TMIGD1: variants seen among roughly 807,000 people sequenced by gnomAD.
TMIGD1 encodes the protein transmembrane and immunoglobulin domain-containing protein 1.
TMIGD1 carries 29 observed loss-of-function variants against 27.5 expected under a neutral mutation model. The ratio of observed to expected loss-of-function variants is 1.05; its 90% CI spans 0.78 to 1.44. The LOEUF (loss-of-function observed/expected upper bound fraction) is 1.44. TMIGD1 is among the 40% of genes most tolerant of loss of function. The pLI is 0.00. For missense variants in TMIGD1, 334 were observed against 310.6 expected, an observed-to-expected ratio of 1.08 and a Z score of -0.57; for synonymous variants, 109 against 110.3, an observed-to-expected ratio of 0.99 and a Z score of 0.07.
rs371926500 is a variant in TMIGD1, at chr17:30,329,580, T to C, written c.83-51A>G. The C allele has an allele frequency of 4.0e-6, 6 of 1,512,836 alleles. No individual in the cohort carries two copies. The African/African-American group carries it at 8.3e-5, about 21-fold the overall frequency. The allele number at this position is 1,512,836 out of a possible 1,614,324, so 93.7% of individuals were successfully genotyped here. A position where few individuals can be genotyped will look rare whatever the true frequency, so the allele number is the denominator to read the frequency against. ...AGATATACAGAGTAAACAACCTTAA[T>C]GCTCATGAACAGGGGATTGGTTAAA... is the stretch of plus-strand genomic sequence containing the variant. On this transcript the variant is annotated intron_variant, in intron 2 of 6. Transcript: ENST00000328886.
At position 30,317,234 on chromosome 17, in the gene TMIGD1, C is replaced by T. The variant is rs1909444651; in HGVS notation, c.745-1G>A. ...GAGGGTCTTTATCCTTCATGCAGAG[C>T]TAAAAGCAAACATGGCAGTAAATTA... On this transcript the variant is annotated splice_acceptor_variant, in intron 5 of 6. Transcript: ENST00000328886. LOFTEE classifies it high-confidence loss of function. 2 of 1,614,028 alleles carry T rather than the reference C, an allele frequency of 1.2e-6. No homozygotes were observed. Among genetic ancestry groups the T allele is most frequent in the African/African-American group, 2.7e-5 (2 of 75,032 alleles).
intron 3 of TMIGD1, 33 bp downstream of exon 3, chr17:30,329,218 G>T: frequency 4.4e-6 from 7 of 1,603,758 alleles, no homozygotes; most frequent in Non-Finnish European, 6.0e-6. Flanking sequence ...AGACATTACA[G>T]ACCCACTAGC....
At chr17:30,317,355 G>C in intron 5 of TMIGD1, 122 bp from the exon 6 acceptor site, 1 of 1,057,380 alleles carries the variant, frequency 9.5e-7, no homozygotes, top group Non-Finnish European at 1.4e-6. Flanking sequence ...ACTGGCTCAG[G>C]CGTCATTTTT....
intron 2 of TMIGD1, among the ~76,000 whole-genome samples, chr17:30,331,805 G>A (rs1909986957): frequency 6.6e-6 from 1 of 152,020 alleles, no homozygotes; most frequent in Admixed American, 6.5e-5. Context: ...AGCCAGGATG[G>A]TCTCGATCTC....
intron 5 of TMIGD1, among the ~76,000 whole-genome samples, chr17:30,317,623 G>A (rs1341668742): frequency 6.6e-6 from 1 of 152,004 alleles, no homozygotes; most frequent in Non-Finnish European, 1.5e-5. Context: ...AGCCAGGCAT[G>A]GTGCCACATG....
Position 30,329,249 on chromosome 17 carries a change from A to C in TMIGD1, c.361+2T>G. 6.2e-7 allele frequency: 1 copy of C among 1,611,182 alleles called. No homozygotes were observed. The highest frequency in any genetic ancestry group is 1.7e-5 in the Admixed American group (1 of 59,968). On this transcript the variant is annotated splice_donor_variant, in intron 3 of 6. Transcript: ENST00000328886. LOFTEE classifies it high-confidence loss of function. ...CTAGCTGTTTCTTTTCCCCTCACTCACAAGTAACATTCAGCACCACCGAAA... is the reference window on the plus strand; with the variant it reads ...CTAGCTGTTTCTTTTCCCCTCACTCCCAAGTAACATTCAGCACCACCGAAA...
intron 1 of TMIGD1, among the ~76,000 whole-genome samples, chr17:30,333,707 T>C (rs1910058088): frequency 6.6e-6 from 1 of 152,178 alleles, no homozygotes; most frequent in South Asian, 2.1e-4. Flanking sequence ...TCTTTTGTAA[T>C]TTTAAATATT....
rs1339517731 is a variant in TMIGD1 at position 30,316,519 on chromosome 17, A to G, written c.*168T>C. 8.0e-6 allele frequency: 5 copies of G among 621,222 alleles called. No homozygotes were observed. In the African/African-American group the frequency reaches 9.4e-5, roughly 12 times the overall value. 38.5% of individuals were successfully genotyped at this position (621,222 alleles called of 1,614,324 possible). ...ATTCTTAATAGCTCTTTCCATAAAA[A>G]TGTTCCACAAGTGTATCAAATTAGT... On this transcript the variant is annotated 3_prime_UTR_variant, in exon 7 of 7. Transcript: ENST00000328886.
chr17:30,327,631 C>T (rs1027599464), intron 3 of TMIGD1, among the ~76,000 whole-genome samples: 6 of 151,966 alleles, frequency 3.9e-5, no homozygotes, highest in Non-Finnish European at 7.4e-5. Context: ...GCAATCACAG[C>T]TCGCTGAAGC....
intron 4 of TMIGD1, among the ~76,000 whole-genome samples, chr17:30,322,523 G>A (rs1489441834): frequency 2.6e-5 from 4 of 152,034 alleles, no homozygotes; most frequent in African/African-American, 9.7e-5. Flanking sequence ...TTTTGAGACA[G>A]AGTTTCACTC....
intron 3 of TMIGD1, among the ~76,000 whole-genome samples, chr17:30,328,525 G>A (rs1049145131): frequency 3.3e-5 from 5 of 151,928 alleles, no homozygotes; most frequent in South Asian, 2.1e-4. Context: ...CAAAGCCCTT[G>A]TACAGATTAA....
intron 3 of TMIGD1, among the ~76,000 whole-genome samples, chr17:30,325,917 G>A (rs1013656772): frequency 1.5e-5 from 2 of 129,596 alleles, no homozygotes; most frequent in Non-Finnish European, 3.6e-5. Context: ...TAGACCCATA[G>A]ACAGTCAACA....
intron 2 of TMIGD1, among the ~76,000 whole-genome samples, chr17:30,330,262 G>A (rs1476420260): frequency 6.7e-6 from 1 of 148,236 alleles, no homozygotes; most frequent in Non-Finnish European, 1.5e-5. Flanking sequence ...GTGTATGTGT[G>A]TATACATGGA....
intron 3 of TMIGD1, among the ~76,000 whole-genome samples, chr17:30,328,730 C>T (rs1281907218): frequency 2.6e-5 from 4 of 151,962 alleles, no homozygotes; most frequent in South Asian, 2.1e-4. Context: ...CTGAGGTAGG[C>T]GGTTCACTCG....
At chr17:30,325,804 G>A (rs991209829) in intron 3 of TMIGD1, among the ~76,000 whole-genome samples, 1 of 152,084 alleles carries the variant, frequency 6.6e-6, no homozygotes, top group Non-Finnish European at 1.5e-5. Context: ...CCTCCCAGAA[G>A]GTGTTCTAAG....
intron 5 of TMIGD1, 42 bp downstream of exon 5, chr17:30,318,768 G>T: frequency 6.8e-7 from 1 of 1,464,054 alleles, no homozygotes; most frequent in Non-Finnish European, 9.6e-7. Flanking sequence ...CCTTTATTCA[G>T]ATGATGGCTT....
At chr17:30,324,377 C>T (rs543321286) in intron 4 of TMIGD1, among the ~76,000 whole-genome samples, 4 of 152,204 alleles carry the variant, frequency 2.6e-5, no homozygotes, top group Non-Finnish European at 5.9e-5. Context: ...TGCTGATTAC[C>T]CTACAGGTTA....
intron 3 of TMIGD1, 51 bp from the exon 4 acceptor site, chr17:30,325,145 T>C (rs1909737840): frequency 6.5e-7 from 1 of 1,544,108 alleles, no homozygotes; most frequent in Non-Finnish European, 8.8e-7. Flanking sequence ...AATAGTTCAC[T>C]GTCAGAGTTC....
chr17:30,325,929 A>ATG (rs1909760667), intron 3 of TMIGD1, among the ~76,000 whole-genome samples: 1 of 151,782 alleles, frequency 6.6e-6, no homozygotes, highest in African/African-American at 2.4e-5. Flanking sequence ...CAGTCAACAC[A>ATG]TCTATCACTG....
Sources: gnomAD v4.1 joint callset for allele counts (sites outside exome capture counted in the v4.1 genomes callset) on GRCh38, gnomAD v4.1.1 for gene constraint, MANE v1.5 for transcripts, NCBI Gene and HGNC (gene_info 2026-07-23, HGNC 2026-07-21) for gene names.